Variants in PCDH15 observed in about 807,000 individuals in gnomAD.
PCDH15 encodes the protein protocadherin related 15, also known as protocadherin-15.
PCDH15 carries 129 observed loss-of-function variants against 178.5 expected under a neutral mutation model. That is an observed-to-expected ratio of 0.72 (90% CI 0.63 to 0.84). The LOEUF is 0.84. PCDH15 is among the 40% of genes least tolerant of loss of function. The pLI, the probability that PCDH15 is intolerant of heterozygous loss-of-function variation, is 0.00. For missense variants in PCDH15, 2,230 were observed against 2,099.9 expected, an observed-to-expected ratio of 1.06 and a Z score of -1.21; for synonymous variants, 800 against 732.0, an observed-to-expected ratio of 1.09 and a Z score of -1.50.
At chr10:53,993,559 C>G (rs2091659635) in intron 21 of PCDH15, among the ~76,000 whole-genome samples, 1 of 152,062 alleles carries the variant, frequency 6.6e-6, no homozygotes, top group Non-Finnish European at 1.5e-5. Flanking sequence ...ACATTTATAA[C>G]AGTAACAGAG....
chr10:55,344,745 C>T (rs1565036007), intron 2 of PCDH15, among the ~76,000 whole-genome samples: 1 of 151,908 alleles, frequency 6.6e-6, no homozygotes, highest in Non-Finnish European at 1.5e-5. Flanking sequence ...GGAATAGGTC[C>T]ACGCTTGAAA....
At chr10:54,822,973 C>G (rs901037647) in intron 3 of PCDH15, among the ~76,000 whole-genome samples, 1 of 151,992 alleles carries the variant, frequency 6.6e-6, no homozygotes, top group African/African-American at 2.4e-5. Context: ...CCTCTGCCTC[C>G]AGGATTCAAG....
intron 8 of PCDH15, among the ~76,000 whole-genome samples, chr10:54,282,541 C>T (rs1176924196): frequency 6.6e-6 from 1 of 151,946 alleles, no homozygotes; most frequent in East Asian, 1.9e-4. Context: ...GTATATTTAA[C>T]AGTATAATGC....
At position 54,724,903 on chromosome 10, in the gene PCDH15, T is replaced by TATATAG. The variant is rs71014408; in HGVS notation, c.-28-60619_-28-60614dup. On this transcript the variant is annotated intron_variant, in intron 1 of 37. Transcript: ENST00000644397. The stretch of plus-strand genomic sequence containing the variant: ...ACCCATTAGCCAAATAGTACATATA[T>TATATAG]ATATAGATATAGATATAGATATAGA... Among the ~76,000 whole-genome samples, 69 of 146,542 alleles carry TATATAG rather than the reference T, an allele frequency of 4.7e-4. No homozygotes were observed. In the South Asian group the frequency reaches 5.3e-3, roughly 11 times the overall value.
chr10:55,204,349 C>T (rs1470451049), intron 1 of PCDH15, among the ~76,000 whole-genome samples: 1 of 150,786 alleles, frequency 6.6e-6, no homozygotes, highest in Non-Finnish European at 1.5e-5. Flanking sequence ...CATATACACA[C>T]ATGTATATAT....
intron 3 of PCDH15, among the ~76,000 whole-genome samples, chr10:54,421,648 T>C (rs1203348165): frequency 1.6e-5 from 2 of 125,668 alleles, no homozygotes; most frequent in Non-Finnish European, 3.3e-5. Context: ...CATTTATATA[T>C]GTACATGTGT....
At chr10:54,815,002 A>T (rs1022323112) in intron 3 of PCDH15, among the ~76,000 whole-genome samples, 70 of 152,070 alleles carry the variant, frequency 4.6e-4, no homozygotes, top group African/African-American at 1.6e-3. Context: ...ACCCAAATCT[A>T]GTCAAATGCC....
chr10:54,589,921 T>C (rs1298220583), intron 2 of PCDH15, among the ~76,000 whole-genome samples: 1 of 152,096 alleles, frequency 6.6e-6, no homozygotes, highest in Non-Finnish European at 1.5e-5. Context: ...AATAAAGAAA[T>C]ATCCCCTTGA....
chr10:55,000,867 G>T (rs2131929668), intron 2 of PCDH15, among the ~76,000 whole-genome samples: 1 of 152,104 alleles, frequency 6.6e-6, no homozygotes, highest in South Asian at 2.1e-4. Context: ...AACTCTTGGG[G>T]ACCCAGAGTG....
chr10:54,468,399 CTT>C (rs1263907011), intron 3 of PCDH15, among the ~76,000 whole-genome samples: 1 of 151,678 alleles, frequency 6.6e-6, no homozygotes. Flanking sequence ...TGATTCCTCT[CTT>C]AATTATATTC....
At chr10:54,700,576 C>A (rs967774958) in intron 1 of PCDH15, among the ~76,000 whole-genome samples, 1 of 152,038 alleles carries the variant, frequency 6.6e-6, no homozygotes, top group Admixed American at 6.6e-5. Context: ...AATACAATTG[C>A]AAGTATCAAC....
At chr10:53,856,928 A>C (rs905257089) in intron 28 of PCDH15, among the ~76,000 whole-genome samples, 1 of 152,176 alleles carries the variant, frequency 6.6e-6, no homozygotes, top group East Asian at 1.9e-4. Context: ...GAAAGAAAAT[A>C]ATAGACACTG....
chr10:55,146,133 T>A (rs1591940237), intron 2 of PCDH15, among the ~76,000 whole-genome samples: 1 of 152,038 alleles, frequency 6.6e-6, no homozygotes, highest in African/African-American at 2.4e-5. Context: ...CTATACCTTT[T>A]GTACTTATTA....
intron 16 of PCDH15, among the ~76,000 whole-genome samples, chr10:54,083,087 TAAAAAAAGAA>T (rs1235754523): frequency 6.6e-6 from 1 of 152,060 alleles, no homozygotes; most frequent in Non-Finnish European, 1.5e-5. Flanking sequence ...TAATTATATT[TAAAAAAAGAA>T]ACAACCACCA....
At chr10:55,366,791 G>T (rs530737708) in intron 2 of PCDH15, among the ~76,000 whole-genome samples, 133 of 152,188 alleles carry the variant, frequency 8.7e-4, no homozygotes, top group African/African-American at 2.9e-3. Flanking sequence ...AATTAGTTTC[G>T]ATTTTACCTG....
At chr10:54,389,573 G>GT (rs1950296557) in intron 3 of PCDH15, among the ~76,000 whole-genome samples, 1 of 152,058 alleles carries the variant, frequency 6.6e-6, no homozygotes, top group Non-Finnish European at 1.5e-5. Context: ...TTCGAAATCC[G>GT]TATTTGCGGC....
At chr10:54,949,987 T>C (rs1838295505) in intron 2 of PCDH15, among the ~76,000 whole-genome samples, 1 of 152,062 alleles carries the variant, frequency 6.6e-6, no homozygotes, top group African/African-American at 2.4e-5. Context: ...TCATGTCTTC[T>C]TCTGAGCCCT....
At chr10:54,480,236 T>C (rs1450849779) in intron 3 of PCDH15, among the ~76,000 whole-genome samples, 2 of 152,096 alleles carry the variant, frequency 1.3e-5, no homozygotes, top group African/African-American at 4.8e-5. Flanking sequence ...ATTTGTGTAA[T>C]GAGCTGCTTT....
At chr10:55,459,975 C>A (rs913163375) in intron 2 of PCDH15, among the ~76,000 whole-genome samples, 2 of 151,914 alleles carry the variant, frequency 1.3e-5, no homozygotes, top group African/African-American at 4.8e-5. Context: ...TAACTGCAAT[C>A]ATAAAAATGG....
Sources: allele counts gnomAD v4.1 joint callset (sites outside exome capture counted in the v4.1 genomes callset), GRCh38; gene constraint gnomAD v4.1.1; transcripts MANE v1.5; gene names NCBI Gene and HGNC (gene_info 2026-07-23, HGNC 2026-07-21).